The following MCCC2 variants were observed in gnomAD, a reference collection of about 807,000 sequenced individuals.
The protein encoded by MCCC2 is methylcrotonoyl-CoA carboxylase beta chain, mitochondrial.
In MCCC2, 52 loss-of-function variants were observed where a neutral mutation model predicts 77.2. The ratio of observed to expected loss-of-function variants is 0.67; its 90% CI spans 0.54 to 0.85. The LOEUF is 0.85. MCCC2 is among the 40% of genes least tolerant of loss of function. MCCC2 has a pLI of 0.00. For synonymous variants in MCCC2, 253 were observed against 248.4 expected (o/e 1.02, Z -0.18); for missense variants, 682 against 703.2 (o/e 0.97, Z 0.34).
chr5:71,633,121 A>ATTT (rs1231509058), intron 8 of MCCC2, among the ~76,000 whole-genome samples: 3 of 29,828 alleles, frequency 1.0e-4, no homozygotes, highest in Non-Finnish European at 1.6e-4. Context: ...ATATATATAT[A>ATTT]TATATATATA....
rs1259177113 is a variant in MCCC2, at chr5:71,646,282, G to T, written c.1216+5G>T. ...TGTTCCTTCAAAACATTACTGGTAA[G>T]AAAATAGCTTAATCAGTTTGGTTGT... On this transcript the variant is annotated splice_donor_5th_base_variant and intron_variant, in intron 13 of 16. Transcript: ENST00000340941. The T allele has an allele frequency of 6.2e-7, 1 of 1,613,262 alleles. No individual in the cohort carries two copies.
chr5:71,622,000 C>T (rs528749284), intron 6 of MCCC2, among the ~76,000 whole-genome samples: 29 of 152,050 alleles, frequency 1.9e-4, no homozygotes, highest in African/African-American at 5.6e-4. Flanking sequence ...AAACATCTCT[C>T]GCTGGGTGTG....
chr5:71,646,349 G>C, intron 13 of MCCC2, 72 bp downstream of exon 13: 1 of 1,369,120 alleles, frequency 7.3e-7, no homozygotes. Context: ...TCATGTATTG[G>C]ACAGCACACA....
intron 15 of MCCC2, among the ~76,000 whole-genome samples, chr5:71,650,911 A>G (rs952430106): frequency 6.6e-6 from 1 of 152,156 alleles, no homozygotes; most frequent in Non-Finnish European, 1.5e-5. Context: ...GGCCTCCCAA[A>G]GTGCTGGGAT....
In MCCC2 at chr5:71,632,257, G is replaced by A. The variant is rs1197278913; in HGVS notation, c.803+72G>A. Reference sequence around the variant, plus strand: ...TTTGTTTGTTTAAAAGAAGTTTTACGTATTTGTTTCCAGTGCTAAACTTGC... The same window carrying A: ...TTTGTTTGTTTAAAAGAAGTTTTACATATTTGTTTCCAGTGCTAAACTTGC... On this transcript the variant is annotated intron_variant, in intron 8 of 16. Transcript: ENST00000340941. The A allele has an allele frequency of 5.5e-6, 8 of 1,463,498 alleles. No homozygotes were observed. In the African/African-American group the frequency reaches 5.6e-5, roughly 10 times the overall value. 90.7% of individuals were successfully genotyped at this position (1,463,498 alleles called of 1,614,324 possible).
At chr5:71,599,895 G>C (rs1745356015) in intron 4 of MCCC2, 135 bp downstream of exon 4, 11 of 775,620 alleles carry the variant, frequency 1.4e-5, no homozygotes, top group Non-Finnish European at 2.4e-5. Context: ...GCTGGGTGTG[G>C]TGGCTCACGC....
rs183817680 is a variant in MCCC2, at chr5:71,599,300, G to C, written c.282-359G>C. Among the ~76,000 whole-genome samples, 918 of 152,170 alleles carry C rather than the reference G, an allele frequency of 6.0e-3. 6 individuals carry two copies. The highest frequency in any genetic ancestry group is 0.014 in the Middle Eastern group (4 of 294). On this transcript the variant is annotated intron_variant, in intron 3 of 16. Transcript: ENST00000340941. ...CAGGAGAATCGCTTGAACTCAGGAG[G>C]TGGAGGTTGCAGTGAGCTGAGATCG...
chr5:71,641,170 T>G, intron 11 of MCCC2, 95 bp downstream of exon 11: 1 of 1,142,160 alleles, frequency 8.8e-7, no homozygotes, highest in Non-Finnish European at 1.3e-6. Context: ...TGACATGGGC[T>G]TTGTTGTTGA....
chr5:71,653,408 T>C (rs1747493534), intron 16 of MCCC2, among the ~76,000 whole-genome samples: 1 of 149,588 alleles, frequency 6.7e-6, no homozygotes, highest in Admixed American at 6.7e-5. Context: ...TTTAGTGTTC[T>C]GCATTCCGAA....
intron 16 of MCCC2, among the ~76,000 whole-genome samples, chr5:71,655,929 A>G (rs1747564309): frequency 1.3e-5 from 2 of 152,236 alleles, no homozygotes; most frequent in African/African-American, 4.8e-5. Flanking sequence ...AATGTACTGA[A>G]GCTGGCCGGG....
intron 6 of MCCC2, among the ~76,000 whole-genome samples, chr5:71,624,068 C>T (rs1365215316): frequency 2.6e-5 from 4 of 152,198 alleles, no homozygotes; most frequent in Admixed American, 6.5e-5. Flanking sequence ...GATAAGGGTA[C>T]GAGCATGGCC....
In MCCC2 at chr5:71,603,378, T is replaced by C. The variant is rs1745522904; in HGVS notation, c.511+745T>C. The stretch of plus-strand genomic sequence containing the variant: ...TTGCAGTGAGCTGAAATCGTGCCAC[T>C]GTACTCCAGCCTGGGCGACAGAGAG... On this transcript the variant is annotated intron_variant, in intron 5 of 16. Coordinates refer to ENST00000340941, the MANE Select transcript of MCCC2 (RefSeq NM_022132.5). Among the ~76,000 whole-genome samples the C allele has an allele frequency of 2.3e-5, 3 of 128,786 alleles. No homozygotes were observed. The South Asian group carries it at 7.4e-4, about 32-fold the overall frequency. 84.5% of individuals were successfully genotyped at this position (128,786 alleles called of 152,430 possible).
chr5:71,614,029 T>TACACACACACACACACAC lies in MCCC2; in HGVS notation c.624+9565_624+9582dup, dbSNP rs35292468. ...TTCATATTATGTATAACGTATATAA[T>TACACACACACACACACAC]ACACACACACACACACACACATATA... On this transcript the variant is annotated intron_variant, in intron 6 of 16. Transcript: ENST00000340941. Among the ~76,000 whole-genome samples the TACACACACACACACACAC allele has an allele frequency of 3.8e-4, 56 of 148,392 alleles. 1 individual carries two copies. The highest frequency in any genetic ancestry group is 3.6e-3 in the Middle Eastern group (1 of 280).
intron 8 of MCCC2, 97 bp downstream of exon 8, chr5:71,632,282 C>T (rs11744860): frequency 1.9e-6 from 2 of 1,037,616 alleles, no homozygotes; most frequent in Non-Finnish European, 3.0e-6. Context: ...GCTAAACTTG[C>T]CAGACCACAC....
At chr5:71,611,168 A>G (rs1745926102) in intron 6 of MCCC2, among the ~76,000 whole-genome samples, 1 of 152,218 alleles carries the variant, frequency 6.6e-6, no homozygotes, top group Non-Finnish European at 1.5e-5. Flanking sequence ...TGGGAGGCTG[A>G]AGTGAGAGGA....
intron 6 of MCCC2, among the ~76,000 whole-genome samples, chr5:71,618,908 C>G (rs1003426152): frequency 7.2e-5 from 11 of 152,122 alleles, no homozygotes; most frequent in African/African-American, 2.7e-4. Context: ...GATCTTTGCT[C>G]TGGTGCATTG....
rs541637514 is a variant in MCCC2 at position 71,656,146 on chromosome 5, C to T, written c.1575-597C>T. On this transcript the variant is annotated intron_variant, in intron 16 of 16. Coordinates refer to ENST00000340941, the MANE Select transcript of MCCC2 (RefSeq NM_022132.5). ...AGGAGAATTGCTTGAACCCAGAGGG[C>T]GGAGATTGCAGTGAACTGAGATCGT... Among the ~76,000 whole-genome samples the T allele has an allele frequency of 3.3e-5, 5 of 152,278 alleles. No homozygotes were observed. The East Asian group carries it at 5.8e-4, about 18-fold the overall frequency.
Position 71,587,495 on chromosome 5 carries a change from C to G in MCCC2, c.70C>G (p.His24Asp). 1.3e-6 allele frequency: 2 copies of G among 1,538,076 alleles called. No individual in the cohort carries two copies. Among genetic ancestry groups the G allele is most frequent in the Non-Finnish European group, 1.7e-6 (2 of 1,146,538 alleles). Residue 24 changes from histidine (H) to aspartate (D), a missense_variant, in exon 1 of 17, where the codon CAC (histidine) becomes GAC (aspartate). By Grantham distance (81) the His-to-Asp change is moderately conservative (BLOSUM62 -1). Transcript: ENST00000340941. ...CTCTCCCGCCGGGCCGCGCGCCTAT[C>G]ACGGGGACTCGGTGGCCTCGCTGGG... ...RASPAGPRAY[H>D]GDSVASLGTQ...
At chr5:71,601,977 G>A (rs950500128) in intron 4 of MCCC2, among the ~76,000 whole-genome samples, 2 of 152,136 alleles carry the variant, frequency 1.3e-5, no homozygotes, top group African/African-American at 4.8e-5. Flanking sequence ...TAAGATGAAC[G>A]TTATATTTTA....
Sources: allele counts gnomAD v4.1 joint callset (sites outside exome capture counted in the v4.1 genomes callset), GRCh38; gene constraint gnomAD v4.1.1; transcripts MANE v1.5; gene names NCBI Gene and HGNC (gene_info 2026-07-23, HGNC 2026-07-21).